Variants in TOGARAM1 observed in about 807,000 individuals in gnomAD.
TOGARAM1 encodes the protein TOG array regulator of axonemal microtubules 1, also known as TOG array regulator of axonemal microtubules protein 1.
TOGARAM1 carries 100 observed loss-of-function variants against 166.6 expected under a neutral mutation model. That is an observed-to-expected ratio of 0.60 (90% CI 0.51 to 0.71). The LOEUF (loss-of-function observed/expected upper bound fraction) is 0.71. Among genes scored for constraint, TOGARAM1 ranks in the 30% least tolerant of loss-of-function variants. The pLI, the probability that TOGARAM1 is intolerant of heterozygous loss-of-function variation, is 0.00. For missense variants in TOGARAM1, 2,029 were observed against 2,102.7 expected (o/e 0.96, Z 0.69); for synonymous variants, 758 against 763.8 (o/e 0.99, Z 0.13).
chr14:44,969,599 A>G (rs1885771993), intron 1 of TOGARAM1, among the ~76,000 whole-genome samples: 3 of 152,180 alleles, frequency 2.0e-5, no homozygotes, highest in Non-Finnish European at 4.4e-5. Context: ...TGCCTTTGGT[A>G]TCATATCTAA....
At chr14:45,021,701 C>A (rs371618086) in intron 7 of TOGARAM1, among the ~76,000 whole-genome samples, 1 of 152,072 alleles carries the variant, frequency 6.6e-6, no homozygotes, top group Non-Finnish European at 1.5e-5. Context: ...ATAAAATGAC[C>A]GGGTAGCGTC....
intron 11 of TOGARAM1, among the ~76,000 whole-genome samples, chr14:45,040,205 T>A (rs2138940750): frequency 6.6e-6 from 1 of 152,340 alleles, no homozygotes; most frequent in African/African-American, 2.4e-5. Flanking sequence ...ATGTGTAACC[T>A]ATGGATCTAA....
intron 18 of TOGARAM1, among the ~76,000 whole-genome samples, chr14:45,069,959 G>C (rs1883303482): frequency 6.6e-6 from 1 of 152,168 alleles, no homozygotes; most frequent in South Asian, 2.1e-4. Flanking sequence ...GAGGCAGGCA[G>C]ATCACGAGGT....
Position 45,073,730 on chromosome 14 carries a change from C to T in TOGARAM1, c.*169C>T, listed in dbSNP as rs1883486554. 5 of 532,612 alleles carry T rather than the reference C, an allele frequency of 9.4e-6. No individual in the cohort carries two copies. In the South Asian group the frequency reaches 1.0e-4, roughly 11 times the overall value. 33.0% of individuals were successfully genotyped at this position (532,612 alleles called of 1,614,324 possible). On this transcript the variant is annotated 3_prime_UTR_variant, in exon 20 of 20. Coordinates refer to ENST00000361462, the MANE Select transcript of TOGARAM1 (RefSeq NM_001308120.2). ...CATCTGTCCTATATCAACCTTACCACTTATATTCATCACATAAAAACCTAA... is the reference window on the plus strand; with the variant it reads ...CATCTGTCCTATATCAACCTTACCATTTATATTCATCACATAAAAACCTAA...
At chr14:45,068,320 A>T in intron 17 of TOGARAM1, 104 bp from the exon 18 acceptor site, 1 of 847,674 alleles carries the variant, frequency 1.2e-6, no homozygotes, top group Non-Finnish European at 1.8e-6. Flanking sequence ...GTATATATTT[A>T]AACTGAGTAA....
chr14:44,977,483 G>A (rs919397899), intron 1 of TOGARAM1, among the ~76,000 whole-genome samples: 1 of 151,782 alleles, frequency 6.6e-6, no homozygotes, highest in Non-Finnish European at 1.5e-5. Flanking sequence ...TGATCTGCCC[G>A]CCTTGGCCAC....
chr14:45,068,131 A>ACAGT (rs774380974), intron 17 of TOGARAM1, among the ~76,000 whole-genome samples: 1 of 152,170 alleles, frequency 6.6e-6, no homozygotes, highest in Non-Finnish European at 1.5e-5. Context: ...TATCATATTT[A>ACAGT]CAGTCAGTCA....
At chr14:45,033,980 C>G (rs1352542161) in intron 11 of TOGARAM1, among the ~76,000 whole-genome samples, 1 of 152,026 alleles carries the variant, frequency 6.6e-6, no homozygotes, top group East Asian at 1.9e-4. Context: ...ATGGTAAAAC[C>G]TTGTCTGTAC....
intron 7 of TOGARAM1, among the ~76,000 whole-genome samples, chr14:45,015,421 CAAT>C (rs1378323174): frequency 6.6e-5 from 10 of 151,444 alleles, no homozygotes; most frequent in Non-Finnish European, 1.0e-4. Context: ...TAAAAATGGA[CAAT>C]GACTCAAATA....
At chr14:45,043,495 A>G (rs1418346268) in intron 11 of TOGARAM1, among the ~76,000 whole-genome samples, 191 bp from the exon 12 acceptor site, 1 of 152,066 alleles carries the variant, frequency 6.6e-6, no homozygotes, top group African/African-American at 2.4e-5. Context: ...CTTTTATGTT[A>G]TGGAGATGGC....
chr14:44,963,885 G>A lies in TOGARAM1; in HGVS notation c.1464G>A (p.Glu488=). 6.2e-7 allele frequency: 1 copy of A among 1,614,042 alleles called. No individual in the cohort carries two copies. Among genetic ancestry groups the A allele is most frequent in the Non-Finnish European group, 8.5e-7 (1 of 1,179,900 alleles). ...AACATAAGCATTCCAGAGTGAGAGA[G>A]GAGGTGGTGAACATTTGCATCTGCT... ...HLKHKHSRVR[E]EVVNICICSL... is the part of the protein sequence containing the mutation. Residue 488 remains glutamate (E), a synonymous_variant, in exon 1 of 20, where the codon GAG becomes GAA. Coordinates refer to ENST00000361462, the MANE Select transcript of TOGARAM1 (RefSeq NM_001308120.2).
intron 16 of TOGARAM1, among the ~76,000 whole-genome samples, chr14:45,063,132 A>C (rs1387501345): frequency 6.6e-6 from 1 of 152,160 alleles, no homozygotes; most frequent in African/African-American, 2.4e-5. Context: ...TTTAATCAAA[A>C]TATCAAGGGC....
At chr14:44,970,703 A>G (rs138559035) in intron 1 of TOGARAM1, among the ~76,000 whole-genome samples, 1 of 152,232 alleles carries the variant, frequency 6.6e-6, no homozygotes, top group East Asian at 1.9e-4. Context: ...AAGTTGAGAA[A>G]GTTCCCCCTG....
intron 19 of TOGARAM1, among the ~76,000 whole-genome samples, chr14:45,072,582 G>A (rs181362610): frequency 2.2e-4 from 33 of 152,090 alleles, no homozygotes; most frequent in Admixed American, 5.9e-4. Flanking sequence ...CTGCTACCAC[G>A]CCTGGCTAGT....
At chr14:44,970,515 A>G (rs536780314) in intron 1 of TOGARAM1, among the ~76,000 whole-genome samples, 4 of 152,060 alleles carry the variant, frequency 2.6e-5, no homozygotes, top group African/African-American at 4.8e-5. Flanking sequence ...TTTCTTCCCA[A>G]TCTGTATACT....
Position 44,964,053 on chromosome 14 carries a change from T to A in TOGARAM1, c.1632T>A (p.Gly544=), listed in dbSNP as rs28927673. The A allele has an allele frequency of 6.2e-7, 1 of 1,614,098 alleles. No individual in the cohort carries two copies. The highest frequency in any genetic ancestry group is 8.5e-7 in the Non-Finnish European group (1 of 1,179,956). ...FAVLASSMGS[G]KTSILFKAVD... is the part of the protein sequence containing the mutation. ...TATTGGCATCATCAATGGGCTCAGG[T>A]AAAACCAGCATCCTTTTTAAAGCTG... The change falls in exon 1 of 20, where the codon GGT becomes GGA. Residue 544 remains glycine, a synonymous_variant. Transcript: ENST00000361462.
chr14:44,996,714 A>T (rs1024344367), intron 2 of TOGARAM1: 1 of 152,796 alleles, frequency 6.5e-6, no homozygotes, highest in Non-Finnish European at 1.5e-5. Flanking sequence ...TCATGGTTCT[A>T]TGGGCTGCAC....
At chr14:45,038,781 TA>T (rs1386911760) in intron 11 of TOGARAM1, among the ~76,000 whole-genome samples, 2 of 152,196 alleles carry the variant, frequency 1.3e-5, no homozygotes, top group Non-Finnish European at 2.9e-5. Context: ...ATGTTTGTGT[TA>T]CAGATGTTTC....
chr14:45,016,097 T>TA (rs1242790507), intron 7 of TOGARAM1, among the ~76,000 whole-genome samples: 2 of 152,098 alleles, frequency 1.3e-5, no homozygotes, highest in African/African-American at 2.4e-5. Flanking sequence ...GGTGTCAATT[T>TA]AAAAAAATAC....
Sources: gnomAD v4.1 joint callset for allele counts (sites outside exome capture counted in the v4.1 genomes callset) on GRCh38, gnomAD v4.1.1 for gene constraint, MANE v1.5 for transcripts, NCBI Gene and HGNC (gene_info 2026-07-23, HGNC 2026-07-21) for gene names.